Variants in ARNT observed in about 807,000 individuals in gnomAD.
The protein encoded by ARNT is aryl hydrocarbon receptor nuclear translocator, also known as class E basic helix-loop-helix protein 2.
Under a neutral mutation model 105.0 loss-of-function variants are expected in ARNT, and 30 were observed. That is an observed-to-expected ratio of 0.29 (90% CI 0.21 to 0.39). ARNT has a LOEUF of 0.39. ARNT is among the 10% of genes least tolerant of loss of function. The pLI is 1.00. For missense variants in ARNT, 748 were observed against 978.7 expected (o/e 0.76, Z 3.15); for synonymous variants, 304 against 344.0 (o/e 0.88, Z 1.29).
At chr1:150,848,638 C>T (rs1335784372) in intron 3 of ARNT, among the ~76,000 whole-genome samples, 1 of 152,154 alleles carries the variant, frequency 6.6e-6, no homozygotes, top group Non-Finnish European at 1.5e-5. Flanking sequence ...AAACCACCCT[C>T]CCACCTCAGC....
intron 2 of ARNT, among the ~76,000 whole-genome samples, chr1:150,854,652 T>C (rs1664239858): frequency 6.7e-6 from 1 of 150,268 alleles, no homozygotes; most frequent in South Asian, 2.1e-4. Context: ...AGGTCAGGAG[T>C]TCAAGACCAG....
rs1386839810 is a variant in ARNT, at chr1:150,816,488, TC to T, written c.1803-83del. 2.8e-6 allele frequency: 4 copies of T among 1,444,956 alleles called. No homozygotes were observed. In the African/African-American group the frequency reaches 5.8e-5, roughly 21 times the overall value. The allele number at this position is 1,444,956 out of a possible 1,614,324, so 89.5% of individuals were successfully genotyped here. A position where few individuals can be genotyped will look rare whatever the true frequency, so the allele number is the denominator to read the frequency against. On this transcript the variant is annotated intron_variant, in intron 18 of 21. Coordinates refer to ENST00000358595, the MANE Select transcript of ARNT (RefSeq NM_001668.4). ...GGAATCAAAGGACAATCTAGTGCTA[TC>T]CCTAGATCCCCTTGACTTCCTGCAG...
intron 7 of ARNT, 21 bp from the exon 8 acceptor site, chr1:150,834,661 C>A: frequency 6.2e-7 from 1 of 1,607,606 alleles, no homozygotes; most frequent in Non-Finnish European, 8.5e-7. Flanking sequence ...ATGTGAAGAG[C>A]AGTCTGGAGT....
chr1:150,839,685 G>C, intron 5 of ARNT, 31 bp from the exon 6 acceptor site: 1 of 1,594,928 alleles, frequency 6.3e-7, no homozygotes, highest in Non-Finnish European at 8.5e-7. Context: ...GCCCCATCCA[G>C]GTGGTCACAT....
intron 4 of ARNT, among the ~76,000 whole-genome samples, chr1:150,844,505 C>A (rs587723887): frequency 4.6e-4 from 70 of 152,260 alleles, no homozygotes; most frequent in Admixed American, 1.4e-3. Flanking sequence ...TCTACATCAA[C>A]GGTTCTTAAA....
intron 1 of ARNT, among the ~76,000 whole-genome samples, chr1:150,873,308 A>AC (rs964395704): frequency 7.7e-4 from 116 of 151,396 alleles, no homozygotes; most frequent in Non-Finnish European, 1.2e-3. Flanking sequence ...AAACAAACAA[A>AC]AAAAAAACAA....
In ARNT at chr1:150,833,935, T is replaced by A. The variant is rs1458462540; in HGVS notation, c.803+603A>T. On this transcript the variant is annotated intron_variant, in intron 8 of 21. Coordinates refer to ENST00000358595, the MANE Select transcript of ARNT (RefSeq NM_001668.4). ...GTGGGAAATTCATTTCTTTTTCTTTTTCTTTTTTTTTTTTTTGAGACAGAG... is the reference window on the plus strand; with the variant it reads ...GTGGGAAATTCATTTCTTTTTCTTTATCTTTTTTTTTTTTTTGAGACAGAG... Among the ~76,000 whole-genome samples the A allele has an allele frequency of 1.3e-5, 2 of 151,944 alleles. 1 individual carries two copies. Among genetic ancestry groups the A allele is most frequent in the South Asian group, 4.1e-4 (2 of 4,828 alleles).
chr1:150,873,823 G>A (rs1230375693), intron 1 of ARNT, among the ~76,000 whole-genome samples: 3 of 151,968 alleles, frequency 2.0e-5, no homozygotes, highest in Non-Finnish European at 2.9e-5. Context: ...AGGAGGCTGA[G>A]GTGGGAAGAT....
intron 19 of ARNT, 59 bp from the exon 20 acceptor site, chr1:150,814,298 C>T: frequency 6.5e-7 from 1 of 1,538,620 alleles, no homozygotes; most frequent in Admixed American, 1.7e-5. Context: ...ATTGCACATA[C>T]CATGCCTATG....
chr1:150,824,440 C>T (rs193272021), intron 13 of ARNT, among the ~76,000 whole-genome samples: 5 of 150,744 alleles, frequency 3.3e-5, no homozygotes, highest in South Asian at 2.1e-4. Context: ...CTGAGAACAT[C>T]TGTTTTCTTT....
At chr1:150,863,265 G>A (rs1665978536) in intron 1 of ARNT, among the ~76,000 whole-genome samples, 1 of 151,274 alleles carries the variant, frequency 6.6e-6, no homozygotes, top group African/African-American at 2.4e-5. Flanking sequence ...GGGAGACTGA[G>A]GCATGAGAAT....
intron 21 of ARNT, 128 bp downstream of exon 21, chr1:150,813,042 CCT>C: frequency 2.0e-6 from 2 of 992,074 alleles, no homozygotes; most frequent in Non-Finnish European, 3.0e-6. Context: ...TACATTTATC[CCT>C]CTCTGTCTTC....
At chr1:150,842,371 T>C in intron 5 of ARNT, 53 bp downstream of exon 5, 1 of 1,583,928 alleles carries the variant, frequency 6.3e-7, no homozygotes, top group Non-Finnish European at 8.6e-7. Flanking sequence ...AGAAAAAGGA[T>C]AGAAAAAGCA....
chr1:150,818,046 A>G lies in ARNT; in HGVS notation c.1395-16T>C. 1 of 1,564,894 alleles carries G rather than the reference A, an allele frequency of 6.4e-7. No individual in the cohort carries two copies. The highest frequency in any genetic ancestry group is 8.8e-7 in the Non-Finnish European group (1 of 1,142,616). ...GCTAGAGTTCCTAGGAAACCAGAGT[A>G]GACAGTAAAGAGGGGGTGGAGAGGG... is the stretch of plus-strand genomic sequence containing the variant. On this transcript the variant is annotated splice_polypyrimidine_tract_variant and intron_variant, in intron 14 of 21. Transcript: ENST00000358595.
intron 10 of ARNT, chr1:150,830,453 AACTT>A (rs996934360): frequency 6.5e-6 from 1 of 153,222 alleles, no homozygotes; most frequent in Non-Finnish European, 1.5e-5. Context: ...AAGTATATAA[AACTT>A]ACCATATATG....
At chr1:150,819,251 G>C (rs1226611091) in intron 14 of ARNT, among the ~76,000 whole-genome samples, 2 of 151,656 alleles carry the variant, frequency 1.3e-5, no homozygotes, top group Non-Finnish European at 2.9e-5. Context: ...AATAACAAGT[G>C]TTAACAAGGA....
intron 13 of ARNT, among the ~76,000 whole-genome samples, chr1:150,825,802 T>C (rs587733085): frequency 1.1e-4 from 16 of 151,070 alleles, no homozygotes; most frequent in Admixed American, 9.9e-4. Flanking sequence ...TGAGCTGAGA[T>C]TGCACACTAC....
intron 3 of ARNT, among the ~76,000 whole-genome samples, chr1:150,850,595 C>T (rs1018786875): frequency 1.3e-5 from 2 of 152,212 alleles, no homozygotes; most frequent in Non-Finnish European, 2.9e-5. Context: ...TCAATGTTGC[C>T]CAGGCTGGAG....
chr1:150,837,363 TGTTTG>T (rs2101920580), intron 6 of ARNT, among the ~76,000 whole-genome samples: 1 of 152,328 alleles, frequency 6.6e-6, no homozygotes, highest in South Asian at 2.1e-4. Flanking sequence ...ACTGTTTTCC[TGTTTG>T]GTTTGGTTTT....
Sources: gnomAD v4.1 joint callset for allele counts (sites outside exome capture counted in the v4.1 genomes callset) on GRCh38, gnomAD v4.1.1 for gene constraint, MANE v1.5 for transcripts, NCBI Gene and HGNC (gene_info 2026-07-23, HGNC 2026-07-21) for gene names.